Variants in STAC observed in about 807,000 individuals in gnomAD.
STAC encodes SH3 and cysteine rich domain, also known as SH3 and cysteine-rich domain-containing protein.
STAC carries 43 observed loss-of-function variants against 48.8 expected under a neutral mutation model. That is an observed-to-expected ratio of 0.88 (90% confidence interval 0.69 to 1.14). The LOEUF is 1.14. Ranked by LOEUF, STAC falls within the 50% of genes most tolerant of loss-of-function variation. The pLI is 0.00. For missense variants in STAC, 497 were observed against 504.0 expected, an observed-to-expected ratio of 0.99 and a Z score of 0.13; for synonymous variants, 193 against 179.5, an observed-to-expected ratio of 1.07 and a Z score of -0.60.
intron 2 of STAC, among the ~76,000 whole-genome samples, chr3:36,474,261 G>A (rs893139144): frequency 2.0e-5 from 3 of 152,158 alleles, no homozygotes; most frequent in Non-Finnish European, 4.4e-5. Context: ...AGAGACAAAT[G>A]TCCCTTCCAA....
chr3:36,538,643 C>A (rs1302390152), intron 10 of STAC, among the ~76,000 whole-genome samples: 1 of 152,134 alleles, frequency 6.6e-6, no homozygotes, highest in Admixed American at 6.6e-5. Context: ...ATGAGCATAT[C>A]CAGATCATCA....
chr3:36,496,201 G>A (rs529677528), intron 6 of STAC, among the ~76,000 whole-genome samples: 4 of 152,204 alleles, frequency 2.6e-5, no homozygotes, highest in Admixed American at 6.5e-5. Flanking sequence ...CAACTCTTTT[G>A]ATCAGCAATA....
intron 8 of STAC, among the ~76,000 whole-genome samples, chr3:36,507,167 A>T (rs537020474): frequency 1.3e-5 from 2 of 152,154 alleles, no homozygotes; most frequent in African/African-American, 4.8e-5. Context: ...TTCTGCATCT[A>T]TTGAGACAAT....
chr3:36,510,846 T>C (rs927459241), intron 8 of STAC, among the ~76,000 whole-genome samples: 1 of 151,894 alleles, frequency 6.6e-6, no homozygotes, highest in Non-Finnish European at 1.5e-5. Flanking sequence ...TTAGGAGAAA[T>C]ACCTAATGTA....
intron 1 of STAC, among the ~76,000 whole-genome samples, chr3:36,424,541 C>T (rs1422980209): frequency 6.6e-6 from 1 of 152,126 alleles, no homozygotes; most frequent in East Asian, 1.9e-4. Flanking sequence ...ACCCCAGTAG[C>T]AATAAGTGCA....
chr3:36,443,132 A>G lies in STAC; in HGVS notation c.112-232A>G, dbSNP rs1696403466. ...GGGAGGAGGAGCAGGGGCAGAATCA[A>G]AGGCAAAATAGGACCTCTTTCTGCT... On this transcript the variant is annotated intron_variant, in intron 1 of 10. Coordinates refer to ENST00000273183, the MANE Select transcript of STAC (RefSeq NM_003149.3). The surrounding 1 kb of genome is among the most constrained non-coding windows in gnomAD (Gnocchi z 4.2). 6.6e-6 allele frequency among the ~76,000 whole-genome samples: 1 copy of G among 152,164 alleles called. No individual in the cohort carries two copies. The highest frequency in any genetic ancestry group is 2.4e-5 in the African/African-American group (1 of 41,434).
At chr3:36,438,845 C>T (rs951257116) in intron 1 of STAC, among the ~76,000 whole-genome samples, 5 of 152,178 alleles carry the variant, frequency 3.3e-5, no homozygotes, top group African/African-American at 1.2e-4. Flanking sequence ...TAAGCATCCT[C>T]CCCGTCACTT....
In STAC at chr3:36,398,694, G is replaced by A. The variant is rs576302007; in HGVS notation, c.111+17940G>A. Among the ~76,000 whole-genome samples, 176 of 144,954 alleles carry A rather than the reference G, an allele frequency of 1.2e-3. 4 individuals are homozygous for A. The highest frequency in any genetic ancestry group is 3.1e-3 in the African/African-American group (117 of 37,816). ...GAAGGAAAGAAAGAAAGAAAGAAAAGAAAGAAAGAAAGAAAGAGAGAAAGA... is the reference window on the plus strand; with the variant it reads ...GAAGGAAAGAAAGAAAGAAAGAAAAAAAAGAAAGAAAGAAAGAGAGAAAGA... On this transcript the variant is annotated intron_variant, in intron 1 of 10. Coordinates refer to ENST00000273183, the MANE Select transcript of STAC (RefSeq NM_003149.3).
chr3:36,481,942 G>A (rs1170437631), intron 2 of STAC, among the ~76,000 whole-genome samples: 1 of 152,150 alleles, frequency 6.6e-6, no homozygotes, highest in African/African-American at 2.4e-5. Flanking sequence ...TTCTCATCAT[G>A]GTAAAGGAGG....
chr3:36,455,836 G>A (rs1696840176), intron 2 of STAC, among the ~76,000 whole-genome samples: 1 of 151,848 alleles, frequency 6.6e-6, no homozygotes, highest in Admixed American at 6.6e-5. Context: ...GAAATATATG[G>A]TTAAATCCTG....
Position 36,505,740 on chromosome 3 carries a change from T to C in STAC, c.832-6T>C, listed in dbSNP as rs1187535610. 1.3e-6 allele frequency: 2 copies of C among 1,574,616 alleles called. No homozygotes were observed. The highest frequency in any genetic ancestry group is 2.7e-5 in the African/African-American group (2 of 73,376). On this transcript the variant is annotated splice_region_variant and splice_polypyrimidine_tract_variant and intron_variant, in intron 7 of 10. Transcript: ENST00000273183. ...TTTCTCATTTTTCTTTTATTTTCTC[T>C]TTCAGGGATCTCTTTCCAAAGACCC...
At chr3:36,435,264 A>C (rs1700804480) in intron 1 of STAC, among the ~76,000 whole-genome samples, 1 of 152,000 alleles carries the variant, frequency 6.6e-6, no homozygotes, top group Non-Finnish European at 1.5e-5. Flanking sequence ...ACTGTCTCTG[A>C]CTCAGGAGAC....
chr3:36,542,102 G>A (rs1699342729), intron 10 of STAC, among the ~76,000 whole-genome samples: 1 of 152,012 alleles, frequency 6.6e-6, no homozygotes, highest in South Asian at 2.1e-4. Flanking sequence ...AAGAGGAAAG[G>A]GAAGGGAAGA....
intron 1 of STAC, among the ~76,000 whole-genome samples, chr3:36,381,915 G>A (rs1242359638): frequency 6.6e-6 from 1 of 152,086 alleles, no homozygotes. Context: ...CAGACCTGGG[G>A]TATGTGTGTC....
chr3:36,458,454 G>A (rs1171435101), intron 2 of STAC, among the ~76,000 whole-genome samples: 2 of 152,164 alleles, frequency 1.3e-5, no homozygotes, highest in African/African-American at 4.8e-5. Context: ...CCGTTGGGAT[G>A]ATGAGAAAGA....
chr3:36,531,959 T>C (rs897714954), intron 10 of STAC, among the ~76,000 whole-genome samples: 1 of 152,250 alleles, frequency 6.6e-6, no homozygotes, highest in African/African-American at 2.4e-5. Flanking sequence ...TAAATTACTT[T>C]CATGGTATAT....
Position 36,483,069 on chromosome 3 carries a change from C to A in STAC, c.466C>A (p.Pro156Thr), listed in dbSNP as rs762251015. 7.4e-6 allele frequency: 12 copies of A among 1,613,852 alleles called. No homozygotes were observed. In the East Asian group the frequency reaches 1.6e-4, roughly 21 times the overall value. Residue 156 changes from proline (P) to threonine (T), a missense_variant, in exon 3 of 11, where the codon CCC becomes ACC. Physicochemically the swap from Pro to Thr is conservative, Grantham distance 38. Coordinates refer to ENST00000273183, the MANE Select transcript of STAC (RefSeq NM_003149.3). ...CCACAAGTGCACAGATGGCCTGGCA[C>A]CCCAGCGGTGCATGGGCAAGCTGGT... is the stretch of plus-strand genomic sequence containing the variant. ...IHHKCTDGLA[P>T]QRCMGKLPKG...
chr3:36,408,018 T>C (rs1445371918), intron 1 of STAC, among the ~76,000 whole-genome samples: 1 of 152,206 alleles, frequency 6.6e-6, no homozygotes, highest in Non-Finnish European at 1.5e-5. Flanking sequence ...GCTCAGTAAC[T>C]AGAGGCCACT....
At chr3:36,407,090 G>C (rs1043432223) in intron 1 of STAC, among the ~76,000 whole-genome samples, 2 of 152,184 alleles carry the variant, frequency 1.3e-5, no homozygotes, top group African/African-American at 4.8e-5. Flanking sequence ...AGCGTATGTA[G>C]ACTAATAGCA....
Sources: allele counts gnomAD v4.1 joint callset (sites outside exome capture counted in the v4.1 genomes callset), GRCh38; gene constraint gnomAD v4.1.1; non-coding constraint Gnocchi (gnomAD v3.1); transcripts MANE v1.5; gene names NCBI Gene and HGNC (gene_info 2026-07-23, HGNC 2026-07-21).